The following CACNG1 variants were observed in gnomAD, a reference collection of about 807,000 sequenced individuals.
CACNG1 encodes voltage-dependent calcium channel gamma-1 subunit.
In CACNG1, 21 loss-of-function variants were observed where a neutral mutation model predicts 22.0. That is an observed-to-expected ratio of 0.95 (90% confidence interval 0.68 to 1.37). The LOEUF is 1.37. Among genes scored for constraint, CACNG1 ranks in the 40% most tolerant of loss-of-function variants. The pLI is 0.00. For synonymous variants in CACNG1, 127 were observed against 129.2 expected, an observed-to-expected ratio of 0.98 and a Z score of 0.12; for missense variants, 291 against 308.6, an observed-to-expected ratio of 0.94 and a Z score of 0.43.
rs1361600074 is a variant in CACNG1, at chr17:67,055,404, G to C, written c.442+164G>C. Reference sequence around the variant, plus strand: ...CCAGGCCATCAGCGACTCCAGGTGGGTTGGAGGGAGACAGAGCTTGGCGGT... The same window carrying C: ...CCAGGCCATCAGCGACTCCAGGTGGCTTGGAGGGAGACAGAGCTTGGCGGT... On this transcript the variant is annotated intron_variant, in intron 3 of 3. Transcript: ENST00000226021. This position sits in a 1 kb window ranked among gnomAD's most constrained non-coding sequence, Gnocchi z 4.5. Among the ~76,000 whole-genome samples the C allele has an allele frequency of 2.6e-5, 4 of 152,254 alleles. No individual in the cohort carries two copies. Among genetic ancestry groups the C allele is most frequent in the Non-Finnish European group, 5.9e-5 (4 of 68,048 alleles).
intron 1 of CACNG1, among the ~76,000 whole-genome samples, chr17:67,045,100 T>C (rs551754362): frequency 6.6e-6 from 1 of 152,210 alleles, no homozygotes; most frequent in African/African-American, 2.4e-5. Context: ...GTCCCAGCTA[T>C]TTCTGTCTGG....
chr17:67,045,878 A>G (rs984528201), intron 1 of CACNG1, among the ~76,000 whole-genome samples: 5 of 152,028 alleles, frequency 3.3e-5, no homozygotes, highest in African/African-American at 1.2e-4. Flanking sequence ...CTTAGCTCAG[A>G]CCCTGTCAGA....
chr17:67,054,090 G>A lies in CACNG1; in HGVS notation c.304+20G>A, dbSNP rs1219946095. The A allele has an allele frequency of 6.2e-6, 10 of 1,606,560 alleles. No individual in the cohort carries two copies. Among genetic ancestry groups the A allele is most frequent in the Non-Finnish European group, 7.7e-6 (9 of 1,173,132 alleles). On this transcript the variant is annotated intron_variant, in intron 2 of 3. Coordinates refer to ENST00000226021, the MANE Select transcript of CACNG1 (RefSeq NM_000727.4). This position sits in a 1 kb window ranked among gnomAD's most constrained non-coding sequence, Gnocchi z 4.6. The stretch of plus-strand genomic sequence containing the variant: ...AGAAGGGTGAGCCTGGGTGGAAAGG[G>A]GTCTGGGGTGACAAGAGGGGACTTC...
Position 67,044,930 on chromosome 17 carries a change from C to G in CACNG1, c.229+41C>G. ...TCCGTCCCGATCCCCACCTCCTGCT[C>G]TTCCCCGTCATCCCCCTGGCAAAGT... On this transcript the variant is annotated intron_variant, in intron 1 of 3. Coordinates refer to ENST00000226021, the MANE Select transcript of CACNG1 (RefSeq NM_000727.4). This position sits in a 1 kb window ranked among gnomAD's most constrained non-coding sequence, Gnocchi z 6.9. 6.6e-7 allele frequency: 1 copy of G among 1,515,516 alleles called. No individual in the cohort carries two copies. Among genetic ancestry groups the G allele is most frequent in the Non-Finnish European group, 9.1e-7 (1 of 1,104,656 alleles). The allele number at this position is 1,515,516 out of a possible 1,614,324, so 93.9% of individuals were successfully genotyped here.
At chr17:67,050,604 C>G (rs1393942559) in intron 1 of CACNG1, among the ~76,000 whole-genome samples, 1 of 152,206 alleles carries the variant, frequency 6.6e-6, no homozygotes, top group Non-Finnish European at 1.5e-5. Context: ...CTGATACATT[C>G]TCAGTGATAA....
intron 1 of CACNG1, among the ~76,000 whole-genome samples, chr17:67,046,424 G>T (rs903064841): frequency 2.6e-5 from 4 of 152,162 alleles, no homozygotes; most frequent in Admixed American, 2.6e-4. Flanking sequence ...CCTTGTCTCT[G>T]CTCCCTCTTC....
At position 67,044,794 on chromosome 17, in the gene CACNG1, C is replaced by G; in HGVS notation, c.134C>G (p.Thr45Ser). 1 of 1,613,424 alleles carries G rather than the reference C, an allele frequency of 6.2e-7. No individual in the cohort carries two copies. The highest frequency in any genetic ancestry group is 1.1e-5 in the South Asian group (1 of 91,088). ...CCCCACATGGAGCACCACAACACTA[C>G]CTGCGAGGCGGCCCACTTCGGCCTC... ...LSPHMEHHNT[T>S]CEAAHFGLWR... Residue 45 changes from threonine (T) to serine (S), a missense_variant, in exon 1 of 4, where the codon ACC (threonine) becomes AGC (serine). By Grantham distance (58) the Thr-to-Ser change is moderately conservative. Coordinates refer to ENST00000226021, the MANE Select transcript of CACNG1 (RefSeq NM_000727.4). This position sits in a 1 kb window ranked among gnomAD's most constrained non-coding sequence, Gnocchi z 6.9.
intron 1 of CACNG1, among the ~76,000 whole-genome samples, chr17:67,047,337 C>T (rs1183886950): frequency 6.6e-6 from 1 of 152,190 alleles, no homozygotes; most frequent in Non-Finnish European, 1.5e-5. Context: ...AGTCTTGCAG[C>T]AATCCAGCAA....
At chr17:67,045,524 C>CT (rs71367200) in intron 1 of CACNG1, among the ~76,000 whole-genome samples, 2,364 of 109,568 alleles carry the variant, frequency 0.022, 28 homozygotes, top group African/African-American at 0.029. Context: ...CCCCCACCTT[C>CT]TTTTTTTTTT....
chr17:67,053,928 C>T (rs2035742509), intron 1 of CACNG1, 68 bp from the exon 2 acceptor site: 3 of 1,167,462 alleles, frequency 2.6e-6, no homozygotes, highest in Non-Finnish European at 3.9e-6. Context: ...ACACCACGCT[C>T]TCTGCCAGGC....
At chr17:67,048,325 A>T in intron 1 of CACNG1, among the ~76,000 whole-genome samples, 1 of 41,164 alleles carries the variant, frequency 2.4e-5, no homozygotes, top group East Asian at 1.4e-3. Flanking sequence ...AAAAAAAAAA[A>T]CAAAAAAAAA....
At chr17:67,045,551 A>T (rs2035692109) in intron 1 of CACNG1, among the ~76,000 whole-genome samples, 2 of 122,616 alleles carry the variant, frequency 1.6e-5, no homozygotes, top group African/African-American at 3.4e-5. Flanking sequence ...TTTTTTTGAG[A>T]CAACTTTGTC....
chr17:67,056,364 G>A lies in CACNG1; in HGVS notation c.*93G>A. ...CAGAGAGGAGGCGGGAGCAATTTTA[G>A]CCCCACCCTGCTCCCATCTGCCCCC... On this transcript the variant is annotated 3_prime_UTR_variant, in exon 4 of 4. Coordinates refer to ENST00000226021, the MANE Select transcript of CACNG1 (RefSeq NM_000727.4). This position sits in a 1 kb window ranked among gnomAD's most constrained non-coding sequence, Gnocchi z 4.3. The A allele has an allele frequency of 1.8e-6, 2 of 1,084,740 alleles. No individual in the cohort carries two copies. The highest frequency in any genetic ancestry group is 2.8e-5 in the South Asian group (2 of 71,964). The allele number at this position is 1,084,740 out of a possible 1,614,324, so 67.2% of individuals were successfully genotyped here.
chr17:67,052,738 G>A (rs2035735120), intron 1 of CACNG1, among the ~76,000 whole-genome samples: 1 of 150,410 alleles, frequency 6.6e-6, no homozygotes, highest in African/African-American at 2.4e-5. Context: ...TAAATCAAGA[G>A]CAAAGAAGAT....
intron 1 of CACNG1, among the ~76,000 whole-genome samples, chr17:67,047,568 T>C (rs2035704346): frequency 6.6e-6 from 1 of 152,220 alleles, no homozygotes; most frequent in Admixed American, 6.5e-5. Flanking sequence ...GGTGATTCCC[T>C]GAAAACCCCC....
Position 67,055,385 on chromosome 17 carries a change from C to A in CACNG1, c.442+145C>A. 1.1e-6 allele frequency: 1 copy of A among 891,646 alleles called. No individual in the cohort carries two copies. Among genetic ancestry groups the A allele is most frequent in the Non-Finnish European group, 1.7e-6 (1 of 602,176 alleles). The allele number at this position is 891,646 out of a possible 1,614,324, so 55.2% of individuals were successfully genotyped here. ...CATCCAGGGGCAAACCTGGCCAGGCCATCAGCGACTCCAGGTGGGTTGGAG... is the reference window on the plus strand; with the variant it reads ...CATCCAGGGGCAAACCTGGCCAGGCAATCAGCGACTCCAGGTGGGTTGGAG... On this transcript the variant is annotated intron_variant, in intron 3 of 3. Transcript: ENST00000226021. The surrounding 1 kb of genome is among the most constrained non-coding windows in gnomAD (Gnocchi z 4.5).
At chr17:67,053,895 C>A (rs560097129) in intron 1 of CACNG1, 101 bp from the exon 2 acceptor site, 5 of 806,664 alleles carry the variant, frequency 6.2e-6, no homozygotes, top group South Asian at 2.8e-5. Flanking sequence ...GCTGCCAGAG[C>A]CCCCTGCATG....
At chr17:67,052,465 A>G (rs1038072922) in intron 1 of CACNG1, among the ~76,000 whole-genome samples, 2 of 152,180 alleles carry the variant, frequency 1.3e-5, no homozygotes, top group Non-Finnish European at 2.9e-5. Flanking sequence ...CTTCATCCCA[A>G]AGAAAAGCCT....
Position 67,055,220 on chromosome 17 carries a change from C to A in CACNG1, c.422C>A (p.Ser141Tyr). The change falls in exon 3 of 4, where the codon TCC (serine) becomes TAC (tyrosine). Residue 141 changes from serine (S) to tyrosine (Y), a missense_variant. By Grantham distance (144) the Ser-to-Tyr change is moderately radical (BLOSUM62 -2). Transcript: ENST00000226021. The surrounding 1 kb of genome is among the most constrained non-coding windows in gnomAD (Gnocchi z 4.5). ...AGGGACTATCTGCTGCGACCCGCGT[C>A]CATGTTCTATGCCTTTGCAGGTAGA... ...KKRDYLLRPA[S>Y]MFYAFAGLCI... 6.2e-7 allele frequency: 1 copy of A among 1,614,102 alleles called. No individual in the cohort carries two copies.
Sources: gnomAD v4.1 joint callset for allele counts (sites outside exome capture counted in the v4.1 genomes callset) on GRCh38, gnomAD v4.1.1 for gene constraint, Gnocchi (gnomAD v3.1) non-coding constraint, MANE v1.5 for transcripts, NCBI Gene and HGNC (gene_info 2026-07-23, HGNC 2026-07-21) for gene names.